Variants in PHYHIPL observed in about 807,000 individuals in gnomAD.
The protein encoded by PHYHIPL is phytanoyl-CoA hydroxylase-interacting protein-like.
PHYHIPL carries 9 observed loss-of-function variants against 33.4 expected under a neutral mutation model. The observed-to-expected ratio is 0.27, with a 90% CI of 0.16 to 0.47. The LOEUF (loss-of-function observed/expected upper bound fraction) is 0.47. PHYHIPL is among the 20% of genes least tolerant of loss of function. PHYHIPL has a pLI of 0.99. For synonymous variants in PHYHIPL, 153 were observed against 154.1 expected, an observed-to-expected ratio of 0.99 and a Z score of 0.05; for missense variants, 365 against 460.7, an observed-to-expected ratio of 0.79 and a Z score of 1.90.
intron 1 of PHYHIPL, among the ~76,000 whole-genome samples, chr10:59,226,133 C>A (rs951145906): frequency 1.3e-5 from 2 of 150,756 alleles, no homozygotes; most frequent in South Asian, 2.1e-4. Flanking sequence ...TATAAAGAGA[C>A]GTAATTGAGA....
chr10:59,237,861 T>C (rs966270096), intron 3 of PHYHIPL, among the ~76,000 whole-genome samples: 1 of 151,904 alleles, frequency 6.6e-6, no homozygotes, highest in Non-Finnish European at 1.5e-5. Context: ...AATAATAATA[T>C]ATTTTTTATC....
At position 59,227,975 on chromosome 10, in the gene PHYHIPL, G is replaced by GATATATATATATATATAT. The variant is rs1554799094; in HGVS notation, c.107-6317_107-6316insATATATATATATATATAT. On this transcript the variant is annotated intron_variant, in intron 1 of 4. Coordinates refer to ENST00000373880, the MANE Select transcript of PHYHIPL (RefSeq NM_032439.4). ...TAAGATTTTAATTTTTGCCTATTGA[G>GATATATATATATATATAT]ATATATATATATGTTTTAAATAACA... Among the ~76,000 whole-genome samples the GATATATATATATATATAT allele has an allele frequency of 3.1e-3, 458 of 145,548 alleles. 8 individuals are homozygous for GATATATATATATATATAT. Among genetic ancestry groups the GATATATATATATATATAT allele is most frequent in the African/African-American group, 0.011 (426 of 37,636 alleles).
upstream of PHYHIPL, among the ~76,000 whole-genome samples, chr10:59,176,351 C>T (rs867595708): frequency 4.4e-4 from 67 of 152,324 alleles, no homozygotes; most frequent in African/African-American, 1.6e-3. Flanking sequence ...AAATGGCTAT[C>T]ACCAGGAGAG....
At chr10:59,210,314 CAG>C (rs1839407325) in intron 1 of PHYHIPL, among the ~76,000 whole-genome samples, 1 of 152,126 alleles carries the variant, frequency 6.6e-6, no homozygotes, top group Admixed American at 6.6e-5. Context: ...AGCCAACAAA[CAG>C]ATGAAAAAAA....
intron 1 of PHYHIPL, among the ~76,000 whole-genome samples, chr10:59,183,923 A>G (rs1838485749): frequency 6.6e-6 from 1 of 152,230 alleles, no homozygotes; most frequent in Non-Finnish European, 1.5e-5. Flanking sequence ...ACATATGCCA[A>G]TAAAAACAAG....
upstream of PHYHIPL, among the ~76,000 whole-genome samples, chr10:59,174,161 A>ATT (rs1271706876): frequency 6.6e-6 from 1 of 151,800 alleles, no homozygotes; most frequent in Non-Finnish European, 1.5e-5. Context: ...CAATCTGGAT[A>ATT]TTTCTAAAGC....
intron 1 of PHYHIPL, 79 bp downstream of exon 1, chr10:59,177,038 G>C (rs762277322): frequency 1.6e-6 from 2 of 1,238,330 alleles, no homozygotes; most frequent in Non-Finnish European, 2.3e-6. Flanking sequence ...CGCCGACGCC[G>C]CTCGCCAGGG....
At chr10:59,180,316 A>ATGTGTGTG (rs1219566088) in intron 1 of PHYHIPL, among the ~76,000 whole-genome samples, 331 of 5,870 alleles carry the variant, frequency 0.056, 11 homozygotes, top group African/African-American at 0.18. Flanking sequence ...TAGAAAAAGT[A>ATGTGTGTG]TATATATATA....
intron 1 of PHYHIPL, among the ~76,000 whole-genome samples, chr10:59,204,874 T>TC (rs1278481195): frequency 2.5e-3 from 375 of 151,676 alleles, no homozygotes; most frequent in African/African-American, 8.7e-3. Context: ...TTTTTTTTTT[T>TC]TTTTTTTTGA....
upstream of PHYHIPL, among the ~76,000 whole-genome samples, chr10:59,174,791 CG>C (rs1360692218): frequency 6.6e-6 from 1 of 152,170 alleles, no homozygotes; most frequent in Non-Finnish European, 1.5e-5. Context: ...AAACCTCGTG[CG>C]TGCTTCTACA....
intron 4 of PHYHIPL, among the ~76,000 whole-genome samples, chr10:59,239,628 C>A (rs186028175): frequency 6.6e-6 from 1 of 151,970 alleles, no homozygotes; most frequent in South Asian, 2.1e-4. Context: ...CTATGTTTAT[C>A]CCTGGAAGCA....
At chr10:59,243,429 C>T (rs11006413) in intron 4 of PHYHIPL, among the ~76,000 whole-genome samples, 32,990 of 152,036 alleles carry the variant, frequency 0.22, 4,825 homozygotes, top group African/African-American at 0.41. Flanking sequence ...AGAAGGAAAC[C>T]TGGAACATCA....
At chr10:59,233,577 T>G (rs2393534) in intron 1 of PHYHIPL, among the ~76,000 whole-genome samples, 114,517 of 151,480 alleles carry the variant, frequency 0.76, 45,127 homozygotes, top group East Asian at 0.9. Context: ...TGTCCTATGA[T>G]CCATCAAATC....
At chr10:59,225,617 G>A (rs1839902100) in intron 1 of PHYHIPL, among the ~76,000 whole-genome samples, 1 of 152,160 alleles carries the variant, frequency 6.6e-6, no homozygotes. Flanking sequence ...TAGAAAGCCA[G>A]CCCCTGATTA....
chr10:59,231,091 T>A (rs988504180), intron 1 of PHYHIPL, among the ~76,000 whole-genome samples: 4 of 74,810 alleles, frequency 5.3e-5, no homozygotes, highest in Non-Finnish European at 1.1e-4. Context: ...ATGGTAAACA[T>A]TAGAAGAAAA....
At chr10:59,199,329 C>T (rs2133213564) in intron 1 of PHYHIPL, among the ~76,000 whole-genome samples, 1 of 152,242 alleles carries the variant, frequency 6.6e-6, no homozygotes, top group African/African-American at 2.4e-5. Flanking sequence ...TTCCCCATTT[C>T]TTGTTTTTGT....
intron 1 of PHYHIPL, among the ~76,000 whole-genome samples, chr10:59,220,843 A>G (rs12245220): frequency 0.054 from 8,198 of 152,024 alleles, 436 homozygotes; most frequent in African/African-American, 0.13. Flanking sequence ...TTTGTACCTC[A>G]TTTTCTTATC....
chr10:59,192,250 G>A (rs1161162746), intron 1 of PHYHIPL, among the ~76,000 whole-genome samples: 6 of 152,228 alleles, frequency 3.9e-5, no homozygotes, highest in Non-Finnish European at 8.8e-5. Flanking sequence ...TAAAAAGGAA[G>A]TTAAATGATA....
chr10:59,214,975 A>G (rs1164552075), intron 1 of PHYHIPL, among the ~76,000 whole-genome samples: 1 of 152,062 alleles, frequency 6.6e-6, no homozygotes, highest in African/African-American at 2.4e-5. Context: ...ATGTTTGTAG[A>G]GAGGAGAATT....
Sources: allele counts gnomAD v4.1 joint callset (sites outside exome capture counted in the v4.1 genomes callset), GRCh38; gene constraint gnomAD v4.1.1; transcripts MANE v1.5; gene names NCBI Gene and HGNC (gene_info 2026-07-23, HGNC 2026-07-21).